XRN1: variants seen among roughly 807,000 people sequenced by gnomAD.
XRN1 encodes 5'-3' exoribonuclease 1, also known as strand-exchange protein 1 homolog.
A neutral mutation model predicts 222.3 loss-of-function variants in XRN1; 67 were observed. The observed-to-expected ratio is 0.30, with a 90% confidence interval of 0.25 to 0.37. The LOEUF (loss-of-function observed/expected upper bound fraction) is 0.37. Among genes scored for constraint, XRN1 ranks in the 10% least tolerant of loss-of-function variants. The probability of loss-of-function intolerance (pLI) is 1.00; values close to 1 mark genes in which losing one functional copy is unlikely to be tolerated. For synonymous variants in XRN1, 643 were observed against 652.4 expected (o/e 0.99, Z 0.22); for missense variants, 1,707 against 2,000.2 (o/e 0.85, Z 2.80).
chr3:142,434,215 C>T (rs1434889697), intron 1 of XRN1, among the ~76,000 whole-genome samples: 1 of 152,038 alleles, frequency 6.6e-6, no homozygotes, highest in African/African-American at 2.4e-5. Flanking sequence ...GGTGCGATCT[C>T]GGCTCACTGC....
At chr3:142,367,955 A>G (rs1335527624) in intron 27 of XRN1, among the ~76,000 whole-genome samples, 1 of 151,702 alleles carries the variant, frequency 6.6e-6, no homozygotes, top group Non-Finnish European at 1.5e-5. Context: ...GAAAAAAAAA[A>G]ATCACTCATA....
chr3:142,403,528 T>A, intron 18 of XRN1, 146 bp downstream of exon 18: 1 of 655,076 alleles, frequency 1.5e-6, no homozygotes, highest in South Asian at 2.2e-5. Context: ...TTATCTAATT[T>A]GTATGAATGT....
intron 37 of XRN1, among the ~76,000 whole-genome samples, chr3:142,328,046 C>T (rs2065569916): frequency 6.6e-6 from 1 of 152,124 alleles, no homozygotes; most frequent in Non-Finnish European, 1.5e-5. Flanking sequence ...TATATATACA[C>T]CACATTTTCT....
intron 23 of XRN1, among the ~76,000 whole-genome samples, chr3:142,378,073 A>T (rs1190807850): frequency 6.6e-6 from 1 of 152,214 alleles, no homozygotes; most frequent in Non-Finnish European, 1.5e-5. Context: ...ATTAGTGGAA[A>T]AAAAAAGGCT....
At chr3:142,358,402 C>T (rs1325277686) in intron 30 of XRN1, among the ~76,000 whole-genome samples, 1 of 151,920 alleles carries the variant, frequency 6.6e-6, no homozygotes, top group African/African-American at 2.4e-5. Flanking sequence ...GTATAATTTT[C>T]TTATATTGAA....
At chr3:142,323,613 G>C (rs2065426392) in intron 37 of XRN1, among the ~76,000 whole-genome samples, 1 of 152,100 alleles carries the variant, frequency 6.6e-6, no homozygotes, top group African/African-American at 2.4e-5. Context: ...CGTATCACTA[G>C]GGATTGACAG....
chr3:142,347,080 G>A (rs2066165300), intron 33 of XRN1, among the ~76,000 whole-genome samples, 154 bp downstream of exon 33: 3 of 151,944 alleles, frequency 2.0e-5, no homozygotes. Flanking sequence ...TGGTGGTGTT[G>A]GTTATACAAT....
At chr3:142,428,147 C>A (rs1050287474) in intron 2 of XRN1, among the ~76,000 whole-genome samples, 2 of 152,104 alleles carry the variant, frequency 1.3e-5, no homozygotes, top group African/African-American at 4.8e-5. Context: ...AATCCCAGCA[C>A]TTTGGGAGGC....
At chr3:142,339,073 G>A (rs895852484) in intron 33 of XRN1, among the ~76,000 whole-genome samples, 1 of 152,138 alleles carries the variant, frequency 6.6e-6, no homozygotes, top group African/African-American at 2.4e-5. Context: ...TGATTATAGA[G>A]CACTAGGACC....
chr3:142,356,862 T>C (rs780196542), intron 31 of XRN1, 50 bp downstream of exon 31: 1 of 1,549,264 alleles, frequency 6.5e-7, no homozygotes, highest in South Asian at 1.1e-5. Flanking sequence ...CTGCTGTGAT[T>C]TGTGATTTGT....
At chr3:142,373,284 G>C (rs1010486957) in intron 25 of XRN1, among the ~76,000 whole-genome samples, 1 of 152,022 alleles carries the variant, frequency 6.6e-6, no homozygotes, top group African/African-American at 2.4e-5. Flanking sequence ...AAAGTTGAAT[G>C]AATTTCCCAA....
intron 32 of XRN1, among the ~76,000 whole-genome samples, chr3:142,355,095 G>A (rs893848451): frequency 2.7e-5 from 4 of 149,886 alleles, no homozygotes; most frequent in African/African-American, 7.3e-5. Flanking sequence ...AGATAGGGAG[G>A]AGGGGGGAAG....
At chr3:142,410,201 T>C (rs934258470) in intron 15 of XRN1, among the ~76,000 whole-genome samples, 3 of 152,220 alleles carry the variant, frequency 2.0e-5, no homozygotes. Flanking sequence ...AGGAAATTGG[T>C]CCTTCTTTTA....
chr3:142,365,387 T>C (rs199920934), intron 27 of XRN1, 21 bp from the exon 28 acceptor site: 3 of 1,499,860 alleles, frequency 2.0e-6, no homozygotes, highest in South Asian at 1.4e-5. Context: ...AGAAAAATTG[T>C]TAAATATTTT....
chr3:142,382,771 GTA>G (rs752883203), intron 22 of XRN1, among the ~76,000 whole-genome samples: 3 of 151,618 alleles, frequency 2.0e-5, no homozygotes, highest in East Asian at 1.9e-4. Context: ...ATGCATACGT[GTA>G]TATATATATA....
chr3:142,365,257 C>T, intron 28 of XRN1, 53 bp downstream of exon 28: 1 of 1,577,062 alleles, frequency 6.3e-7, no homozygotes, highest in South Asian at 1.2e-5. Flanking sequence ...TTTGCTCCTT[C>T]CATGCATTCA....
In XRN1 at chr3:142,397,435, T is replaced by A. The variant is rs543117524; in HGVS notation, c.2233A>T (p.Thr745Ser). ...GTTCTTCCTGAATAAAGCTTCTGTGTTCCTGGAGGTTCTTCCAAGTAAAAC... is the reference window on the plus strand; with the variant it reads ...GTTCTTCCTGAATAAAGCTTCTGTGATCCTGGAGGTTCTTCCAAGTAAAAC... ...TKFYLEEPPG[T>S]QKLYSGRTAP... is the part of the protein sequence containing the mutation. The change falls in exon 20 of 41, where the codon ACA becomes TCA. Residue 745 changes from threonine to serine, a missense_variant. Thr to Ser is a moderately conservative substitution (Grantham distance 58). Transcript: ENST00000392981. The A allele has an allele frequency of 2.4e-4, 392 of 1,604,648 alleles. 3 individuals are homozygous for A. In the South Asian group the frequency reaches 4.2e-3, roughly 17 times the overall value.
At position 142,309,692 on chromosome 3, in the gene XRN1, A is replaced by G. The variant is rs1202263707; in HGVS notation, c.*1819T>C. On this transcript the variant is annotated 3_prime_UTR_variant, in exon 41 of 41. Transcript: ENST00000392981. ...ATGCTCTAAAACAGATGTGAGCTGC[A>G]TGCTATTTATATAACTGTCACACAG... 2 of 152,264 alleles carry G rather than the reference A, an allele frequency of 1.3e-5. No individual in the cohort carries two copies. The highest frequency in any genetic ancestry group is 2.9e-5 in the Non-Finnish European group (2 of 68,048). 9.4% of individuals were successfully genotyped at this position (152,264 alleles called of 1,614,324 possible).
intron 15 of XRN1, chr3:142,407,758 C>G (rs1326874584): frequency 6.6e-6 from 1 of 152,062 alleles, no homozygotes; most frequent in Non-Finnish European, 1.5e-5. Flanking sequence ...ATATGTACTG[C>G]TGAAGAGAGC....
Sources: allele counts gnomAD v4.1 joint callset (sites outside exome capture counted in the v4.1 genomes callset), GRCh38; gene constraint gnomAD v4.1.1; transcripts MANE v1.5; gene names NCBI Gene and HGNC (gene_info 2026-07-23, HGNC 2026-07-21).